MYH3: variants seen among roughly 807,000 people sequenced by gnomAD.
MYH3 encodes the protein myosin-3.
In MYH3, 130 loss-of-function variants were observed where a neutral mutation model predicts 238.0. The observed-to-expected ratio is 0.55, with a 90% CI of 0.47 to 0.63. The LOEUF is 0.63. Among genes scored for constraint, MYH3 ranks in the 30% least tolerant of loss-of-function variants. The pLI is 0.00. For synonymous variants in MYH3, 880 were observed against 924.1 expected (o/e 0.95, Z 0.86); for missense variants, 1,853 against 2,374.9 (o/e 0.78, Z 4.57).
At chr17:10,655,582 C>A (rs938696933) in intron 2 of MYH3, among the ~76,000 whole-genome samples, 1 of 152,256 alleles carries the variant, frequency 6.6e-6, no homozygotes, top group Admixed American at 6.5e-5. Flanking sequence ...TTGCTAAGAA[C>A]AAAATCAAGC....
intron 5 of MYH3, among the ~76,000 whole-genome samples, chr17:10,650,720 A>C (rs2074366438): frequency 1.3e-5 from 2 of 152,236 alleles, no homozygotes; most frequent in Admixed American, 6.5e-5. Context: ...AAAACATTTA[A>C]AATATACTAT....
Position 10,634,192 on chromosome 17 carries a change from C to T in MYH3, c.4357-10G>A, listed in dbSNP as rs374066994. 3 of 1,613,958 alleles carry T rather than the reference C, an allele frequency of 1.9e-6. No individual in the cohort carries two copies. Among genetic ancestry groups the T allele is most frequent in the African/African-American group, 1.3e-5 (1 of 74,924 alleles). ...TCCACTCTGCCAACACCTGAAACAC[C>T]GGACGGAAGTTCTCTCCGTTTCTGA... On this transcript the variant is annotated splice_polypyrimidine_tract_variant and intron_variant, in intron 31 of 40. Coordinates refer to ENST00000583535, the MANE Select transcript of MYH3 (RefSeq NM_002470.4).
Position 10,639,175 on chromosome 17 carries a change from T to C in MYH3, c.3117A>G (p.Leu1039=). The change falls in exon 25 of 41, where the codon CTA becomes CTG. Residue 1039 remains leucine, a synonymous_variant. Transcript: ENST00000583535. Reference sequence around the variant, plus strand: ...CTACTCGGAGCTTCTTTTCTTGTTCTAGGGAGCTTTCCAGCTGAAAAAGGC... The same window carrying C: ...CTACTCGGAGCTTCTTTTCTTGTTCCAGGGAGCTTTCCAGCTGAAAAAGGC... ...EQQVEDLESS[L]EQEKKLRVDL... The C allele has an allele frequency of 6.2e-7, 1 of 1,614,174 alleles. No individual in the cohort carries two copies. Among genetic ancestry groups the C allele is most frequent in the Non-Finnish European group, 8.5e-7 (1 of 1,180,004 alleles).
At chr17:10,651,753 T>G (rs1224421675) in intron 4 of MYH3, 85 bp from the exon 5 acceptor site, 27 of 1,515,698 alleles carry the variant, frequency 1.8e-5, no homozygotes, top group Non-Finnish European at 2.3e-5. Context: ...TATTGTTTTT[T>G]TTTTTTTTTG....
intron 40 of MYH3, among the ~76,000 whole-genome samples, chr17:10,629,058 G>A (rs981209271): frequency 6.6e-6 from 1 of 152,054 alleles, no homozygotes; most frequent in African/African-American, 2.4e-5. Flanking sequence ...TGTGCAGAAC[G>A]TGCAGGTTTG....
the MYH3 span, chr17:10,674,625 T>C: frequency 6.4e-6 from 1 of 156,504 alleles, no homozygotes; most frequent in African/African-American, 2.4e-5. Context: ...ACTTGGGCCC[T>C]TCTTCCTCTA....
the MYH3 span, chr17:10,676,469 G>C: frequency 1.3e-5 from 2 of 152,050 alleles, no homozygotes; most frequent in Non-Finnish European, 2.9e-5. Flanking sequence ...GGCAGTGGGT[G>C]GGGGGGTGCA....
Position 10,629,537 on chromosome 17 carries a change from T to C in MYH3, c.5796+60A>G, listed in dbSNP as rs571875801. The stretch of plus-strand genomic sequence containing the variant: ...AAAGTAAAGGGTTCTCTGAGGTTCC[T>C]TCCAGCTAAGAAGTTTCTACAGTCC... On this transcript the variant is annotated intron_variant, in intron 40 of 40. Transcript: ENST00000583535. The C allele has an allele frequency of 1.6e-5, 25 of 1,606,396 alleles. No individual in the cohort carries two copies. In the South Asian group the frequency reaches 2.8e-4, roughly 18 times the overall value.
Position 10,656,450 on chromosome 17 carries a change from T to C in MYH3, c.-67-302A>G, listed in dbSNP as rs886139046. The stretch of plus-strand genomic sequence containing the variant: ...TACTCTGGAGGCTTAGGCAGGAGAA[T>C]CATTTGAACCTGGGAGACAGAGGTT... On this transcript the variant is annotated intron_variant, in intron 1 of 40. Coordinates refer to ENST00000583535, the MANE Select transcript of MYH3 (RefSeq NM_002470.4). Among the ~76,000 whole-genome samples, 7 of 150,570 alleles carry C rather than the reference T, an allele frequency of 4.6e-5. No individual in the cohort carries two copies. In the East Asian group the frequency reaches 5.9e-4, roughly 13 times the overall value.
At position 10,639,169 on chromosome 17, in the gene MYH3, T is replaced by G. The variant is rs1353280413; in HGVS notation, c.3123A>C (p.Gln1041His). The G allele has an allele frequency of 2.5e-6, 4 of 1,614,072 alleles. No homozygotes were observed. ...CCAGGTCTACTCGGAGCTTCTTTTC[T>G]TGTTCTAGGGAGCTTTCCAGCTGAA... ...QVEDLESSLE[Q>H]EKKLRVDLER... Residue 1041 changes from glutamine (Q) to histidine (H), a missense_variant, in exon 25 of 41, where the codon CAA becomes CAC. This residue lies in a region of MYH3 where 1,044 missense variants were observed against 1,192.6 expected (regional missense o/e 0.88). Transcript: ENST00000583535.
chr17:10,657,641 C>T (rs548711888), upstream of MYH3, among the ~76,000 whole-genome samples: 2 of 152,272 alleles, frequency 1.3e-5, no homozygotes, highest in South Asian at 2.1e-4. Flanking sequence ...ACCCTGAACG[C>T]GGCGTGAGCC....
In MYH3 at chr17:10,648,517, G is replaced by A. The variant is rs116628658; in HGVS notation, c.735+40C>T. ...GACAGGGCTCTTGCCTATTTTGTGA[G>A]GCACAAAGCAAATTCCATCTTAACC... On this transcript the variant is annotated intron_variant, in intron 8 of 40. Transcript: ENST00000583535. The A allele has an allele frequency of 6.0e-4, 933 of 1,547,576 alleles. 5 individuals are homozygous for A. The African/African-American group carries it at 0.011, about 18-fold the overall frequency.
chr17:10,652,460 A>G lies in MYH3; in HGVS notation c.308T>C (p.Leu103Pro), dbSNP rs774714370. 1 of 1,614,028 alleles carries G rather than the reference A, an allele frequency of 6.2e-7. No individual in the cohort carries two copies. The part of the protein sequence containing the change: ...MLTHLNEPAV[L>P]YNLKDRYTSW... ...TGTGTAACGGTCCTTCAGGTTGTAC[A>G]GCACGGCTGGCTCATTCAGGTGCGT... Residue 103 changes from leucine (L) to proline (P), a missense_variant, in exon 4 of 41, where the codon CTG (leucine) becomes CCG (proline). Leu to Pro is a moderately conservative substitution (Grantham distance 98). This residue lies in a region of MYH3 where 678 missense variants were observed against 1,058.9 expected (regional missense o/e 0.64). Coordinates refer to ENST00000583535, the MANE Select transcript of MYH3 (RefSeq NM_002470.4).
At chr17:10,635,658 G>C (rs1228184012) in intron 29 of MYH3, 77 bp downstream of exon 29, 1 of 1,613,120 alleles carries the variant, frequency 6.2e-7, no homozygotes, top group African/African-American at 1.3e-5. Context: ...CCTTCTGAAT[G>C]AAGTTGCCTT....
At chr17:10,639,828 C>T (rs780091654) in intron 22 of MYH3, 26 bp from the exon 23 acceptor site, 20 of 1,612,780 alleles carry the variant, frequency 1.2e-5, no homozygotes, top group African/African-American at 5.3e-5. Context: ...ATAATAACTT[C>T]GTTGAATGAT....
Position 10,644,767 on chromosome 17 carries a change from T to C in MYH3, c.1142-65A>G. On this transcript the variant is annotated intron_variant, in intron 12 of 40. Coordinates refer to ENST00000583535, the MANE Select transcript of MYH3 (RefSeq NM_002470.4). ...AGCTGCTTTGAAAATCATCCAGAAGTTTCAAAGGTTGGTTAAGTTCATCTT... is the reference window on the plus strand; with the variant it reads ...AGCTGCTTTGAAAATCATCCAGAAGCTTCAAAGGTTGGTTAAGTTCATCTT... 3 of 1,338,392 alleles carry C rather than the reference T, an allele frequency of 2.2e-6. No individual in the cohort carries two copies. In the Admixed American group the frequency reaches 5.1e-5, roughly 23 times the overall value. 82.9% of individuals were successfully genotyped at this position (1,338,392 alleles called of 1,614,324 possible).
At chr17:10,645,259 G>A (rs573730002) in intron 12 of MYH3, among the ~76,000 whole-genome samples, 3 of 151,660 alleles carry the variant, frequency 2.0e-5, no homozygotes, top group South Asian at 2.1e-4. Flanking sequence ...GTGAAACCCC[G>A]TTTCTACTAA....
the MYH3 span, chr17:10,677,610 G>A: frequency 6.6e-6 from 1 of 152,128 alleles, no homozygotes; most frequent in Non-Finnish European, 1.5e-5. Flanking sequence ...ATATTTTACT[G>A]GTAGTCAGTA....
In MYH3 at chr17:10,642,305, T is replaced by A. The variant is rs764508115; in HGVS notation, c.1894A>T (p.Ser632Cys). The stretch of plus-strand genomic sequence containing the variant: ...TTCTTGGCAACTTTCTTCTTTCCAC[T>A]GTCAGCTGAAAGCAATAAGGGAGGG... ...YATFATADAD[S>C]GKKKVAKKKG... The change falls in exon 17 of 41, where the codon AGT becomes TGT. Residue 632 changes from serine (S) to cysteine (C), a missense_variant. Physicochemically the swap from Ser to Cys is moderately radical, Grantham distance 112. Around this residue, in one of 3 missense-constraint regions of MYH3, gnomAD observed 678 missense variants for 1,058.9 expected, o/e 0.64. Coordinates refer to ENST00000583535, the MANE Select transcript of MYH3 (RefSeq NM_002470.4). This position sits in a 1 kb window ranked among gnomAD's most constrained non-coding sequence, Gnocchi z 5.4. The A allele has an allele frequency of 1.9e-6, 3 of 1,614,166 alleles. No individual in the cohort carries two copies. The highest frequency in any genetic ancestry group is 2.2e-5 in the South Asian group (2 of 91,070).
Sources: gnomAD v4.1 joint callset for allele counts (sites outside exome capture counted in the v4.1 genomes callset) on GRCh38, gnomAD v4.1.1 for gene constraint, gnomAD v4.1.1 regional missense constraint, Gnocchi (gnomAD v3.1) non-coding constraint, MANE v1.5 for transcripts, NCBI Gene and HGNC (gene_info 2026-07-23, HGNC 2026-07-21) for gene names.